The following PROM1 variants were observed in gnomAD, a reference collection of about 807,000 sequenced individuals.
PROM1 encodes the protein prominin-1.
Under a neutral mutation model 116.9 loss-of-function variants are expected in PROM1, and 105 were observed. That is an observed-to-expected ratio of 0.90 (90% CI 0.77 to 1.06). The LOEUF (loss-of-function observed/expected upper bound fraction) is 1.06. Ranked by LOEUF, PROM1 falls within the 50% of genes least tolerant of loss-of-function variation. PROM1 has a pLI of 0.00. For missense variants in PROM1, 1,122 were observed against 1,045.2 expected, an observed-to-expected ratio of 1.07 and a Z score of -1.01; for synonymous variants, 393 against 387.0, an observed-to-expected ratio of 1.02 and a Z score of -0.18.
At chr4:16,013,704 A>T (rs1181977785) in intron 10 of PROM1, among the ~76,000 whole-genome samples, 2 of 152,116 alleles carry the variant, frequency 1.3e-5, no homozygotes. Context: ...AAGTCTGGAG[A>T]CATTTTGGTT....
At chr4:16,078,728 C>T (rs1490230497) in intron 1 of PROM1, among the ~76,000 whole-genome samples, 2 of 152,158 alleles carry the variant, frequency 1.3e-5, no homozygotes, top group African/African-American at 4.8e-5. Context: ...TTGCAAGAAG[C>T]CAGAGGACCC....
Position 16,022,436 on chromosome 4 carries a change from A to G in PROM1, c.784+890T>C, listed in dbSNP as rs371090757. 3.9e-5 allele frequency among the ~76,000 whole-genome samples: 6 copies of G among 152,198 alleles called. No homozygotes were observed. In the East Asian group the frequency reaches 5.8e-4, roughly 15 times the overall value. On this transcript the variant is annotated intron_variant, in intron 8 of 27. Transcript: ENST00000447510. ...GAGAAAGGGAAGGAAAGGCCTTTCA[A>G]TTAGTTAGGACTCATCTTAACAACT...
In PROM1 at chr4:16,047,213, C is replaced by CT. The variant is rs200962066; in HGVS notation, c.221-8213dup. On this transcript the variant is annotated intron_variant, in intron 2 of 27. Transcript: ENST00000447510. ...CCACTTTATCAAGGGTACTGCCTTT[C>CT]TTTTTTTTTGAGAGAGAGAGAGTCT... Among the ~76,000 whole-genome samples the CT allele has an allele frequency of 1.1e-3, 159 of 151,290 alleles. 2 individuals carry two copies. Among genetic ancestry groups the CT allele is most frequent in the Middle Eastern group, 3.4e-3 (1 of 290 alleles).
At position 16,035,845 on chromosome 4, in the gene PROM1, C is replaced by T. The variant is rs1409223535; in HGVS notation, c.277-84G>A. Reference sequence around the variant, plus strand: ...GACAGAAAAAGTTATGAGTGATCAACCATAACCAAGAACATTCATATCCCA... The same window carrying T: ...GACAGAAAAAGTTATGAGTGATCAATCATAACCAAGAACATTCATATCCCA... On this transcript the variant is annotated intron_variant, in intron 3 of 27. Coordinates refer to ENST00000447510, the MANE Select transcript of PROM1 (RefSeq NM_006017.3). The T allele has an allele frequency of 1.1e-5, 14 of 1,262,030 alleles. No homozygotes were observed. In the African/African-American group the frequency reaches 2.1e-4, roughly 19 times the overall value. The allele number at this position is 1,262,030 out of a possible 1,614,324, so 78.2% of individuals were successfully genotyped here. A position where few individuals can be genotyped will look rare whatever the true frequency, so the allele number is the denominator to read the frequency against.
intron 11 of PROM1, among the ~76,000 whole-genome samples, chr4:16,012,666 C>T (rs1004106590): frequency 2.2e-4 from 33 of 151,848 alleles, no homozygotes; most frequent in African/African-American, 7.3e-4. Flanking sequence ...GTCAGGAGAT[C>T]GAGACCATCC....
intron 13 of PROM1, among the ~76,000 whole-genome samples, chr4:16,005,730 G>C (rs148283182): frequency 6.6e-6 from 1 of 152,220 alleles, no homozygotes; most frequent in African/African-American, 2.4e-5. Context: ...CACTGACCTA[G>C]AGCCCCATCT....
At chr4:16,004,829 T>TCCTTCC (rs1553903958) in intron 13 of PROM1, among the ~76,000 whole-genome samples, 20 of 90,182 alleles carry the variant, frequency 2.2e-4, no homozygotes, top group African/African-American at 5.2e-4. Context: ...CTTTCTTTCT[T>TCCTTCC]TTTCTTCCTT....
rs761956014 is a variant in PROM1 at position 16,018,410 on chromosome 4, A to AG, written c.914dup (p.Leu306SerfsTer9). On this transcript the variant is annotated frameshift_variant, in exon 9 of 28. Transcript: ENST00000447510. LOFTEE classifies it high-confidence loss of function. ...CACTTGATGGATGCACCAAGCACAG[A>AG]GGGTCATTGAGAGATGACCGCAGGC... 4.3e-6 allele frequency: 7 copies of AG among 1,613,750 alleles called. No homozygotes were observed. The highest frequency in any genetic ancestry group is 5.9e-6 in the Non-Finnish European group (7 of 1,179,892).
intron 2 of PROM1, among the ~76,000 whole-genome samples, chr4:16,061,384 T>C (rs967011667): frequency 2.0e-5 from 3 of 152,220 alleles, no homozygotes; most frequent in Admixed American, 6.5e-5. Context: ...GTGTACTATT[T>C]AAGCTATTTC....
chr4:16,056,177 T>C (rs1471223860), intron 2 of PROM1, among the ~76,000 whole-genome samples: 1 of 152,026 alleles, frequency 6.6e-6, no homozygotes, highest in Non-Finnish European at 1.5e-5. Context: ...GCTGGCACAG[T>C]CGCAATTGTT....
chr4:16,062,687 T>C (rs182080148), intron 2 of PROM1, among the ~76,000 whole-genome samples: 231 of 152,360 alleles, frequency 1.5e-3, no homozygotes, highest in Non-Finnish European at 2.1e-3. Context: ...ATTTTGAGTA[T>C]GATTTATATT....
intron 2 of PROM1, among the ~76,000 whole-genome samples, chr4:16,064,405 C>A (rs1192711965): frequency 6.6e-6 from 1 of 152,160 alleles, no homozygotes; most frequent in African/African-American, 2.4e-5. Flanking sequence ...AATAATTAAT[C>A]TATACTACGG....
intron 4 of PROM1, among the ~76,000 whole-genome samples, 181 bp downstream of exon 4, chr4:16,035,554 T>C (rs988527959): frequency 1.3e-5 from 2 of 152,212 alleles, no homozygotes; most frequent in Non-Finnish European, 2.9e-5. Context: ...CAGTGCTTTG[T>C]TGATTGTGTT....
At chr4:15,999,185 C>A (rs1041126505) in intron 14 of PROM1, among the ~76,000 whole-genome samples, 1 of 152,056 alleles carries the variant, frequency 6.6e-6, no homozygotes, top group Non-Finnish European at 1.5e-5. Flanking sequence ...AAAATTCACA[C>A]ACTTGGCCGG....
intron 13 of PROM1, among the ~76,000 whole-genome samples, chr4:16,001,651 A>T (rs1403589892): frequency 6.6e-6 from 1 of 152,186 alleles, no homozygotes; most frequent in African/African-American, 2.4e-5. Context: ...TGCATTGCAC[A>T]GAGAGGTCAC....
chr4:16,071,314 G>C (rs905965344), intron 2 of PROM1, among the ~76,000 whole-genome samples: 2 of 152,138 alleles, frequency 1.3e-5, no homozygotes, highest in African/African-American at 4.8e-5. Flanking sequence ...CTGCTGGAAG[G>C]CTTCCTCACC....
chr4:16,045,991 A>G (rs1736462847), intron 2 of PROM1, among the ~76,000 whole-genome samples: 1 of 152,240 alleles, frequency 6.6e-6, no homozygotes, highest in Non-Finnish European at 1.5e-5. Flanking sequence ...CACCAATTCA[A>G]ACAAGTCTCT....
At chr4:16,047,291 G>C (rs1475329199) in intron 2 of PROM1, among the ~76,000 whole-genome samples, 1 of 152,036 alleles carries the variant, frequency 6.6e-6, no homozygotes, top group East Asian at 1.9e-4. Flanking sequence ...TGTAACCTCT[G>C]CCTCCTGGAT....
At chr4:16,068,142 T>C (rs1741974443) in intron 2 of PROM1, among the ~76,000 whole-genome samples, 1 of 152,134 alleles carries the variant, frequency 6.6e-6, no homozygotes, top group Non-Finnish European at 1.5e-5. Context: ...TGGTGGCTCA[T>C]ATGTCACTGA....
Sources: allele counts gnomAD v4.1 joint callset (sites outside exome capture counted in the v4.1 genomes callset), GRCh38; gene constraint gnomAD v4.1.1; transcripts MANE v1.5; gene names NCBI Gene and HGNC (gene_info 2026-07-23, HGNC 2026-07-21).